CPXM2: variants seen among roughly 807,000 people sequenced by gnomAD.
CPXM2 encodes the protein inactive carboxypeptidase-like protein X2.
A neutral mutation model predicts 86.1 loss-of-function variants in CPXM2; 66 were observed. The observed-to-expected ratio is 0.77, with a 90% CI of 0.63 to 0.94. The LOEUF (loss-of-function observed/expected upper bound fraction) is 0.94, where lower values mean the gene tolerates loss of function less well. CPXM2 is among the 40% of genes least tolerant of loss of function. The pLI is 0.00. For missense variants in CPXM2, 948 were observed against 1,026.3 expected (o/e 0.92, Z 1.04); for synonymous variants, 388 against 400.2 (o/e 0.97, Z 0.36).
rs749100107 is a variant in CPXM2 at position 123,762,077 on chromosome 10, C to T, written c.1572G>A (p.Ala524=). Residue 524 remains alanine, a synonymous_variant, in exon 11 of 14, where the codon GCG becomes GCA. Transcript: ENST00000241305. ...GGGACCGCACCAGGTCGTAGGGGTACGCCACCACCAGCTCGCCGCCCTGCA... is the reference window on the plus strand; with the variant it reads ...GGGACCGCACCAGGTCGTAGGGGTATGCCACCACCAGCTCGCCGCCCTGCA... ...GNLQGGELVV[A]YPYDLVRSPW... 8.1e-6 allele frequency: 13 copies of T among 1,614,084 alleles called. No individual in the cohort carries two copies. The highest frequency in any genetic ancestry group is 3.3e-5 in the South Asian group (3 of 91,082).
Position 123,885,402 on chromosome 10 carries a change from C to T in CPXM2, c.305-5093G>A, listed in dbSNP as rs1945164915. On this transcript the variant is annotated intron_variant, in intron 1 of 13. Transcript: ENST00000241305. This position sits in a 1 kb window ranked among gnomAD's most constrained non-coding sequence, Gnocchi z 4.0. ...CTGATGCTTGGAGAAGTCACAAATG[C>T]CCATGAGTGGCAGAACCAGACTTTG... 1.3e-5 allele frequency among the ~76,000 whole-genome samples: 2 copies of T among 152,128 alleles called. No individual in the cohort carries two copies. Among genetic ancestry groups the T allele is most frequent in the African/African-American group, 2.4e-5 (1 of 41,390 alleles).
intron 13 of CPXM2, among the ~76,000 whole-genome samples, chr10:123,753,345 T>C (rs1023053633): frequency 1.3e-5 from 2 of 152,092 alleles, no homozygotes; most frequent in African/African-American, 2.4e-5. Flanking sequence ...CCTGGACTTG[T>C]CAAGCACCTT....
intron 2 of CPXM2, among the ~76,000 whole-genome samples, chr10:123,901,228 A>C (rs1945378165): frequency 6.6e-6 from 1 of 152,230 alleles, no homozygotes; most frequent in African/African-American, 2.4e-5. Flanking sequence ...ATTGAATTAC[A>C]TCTACCCTTA....
At chr10:123,847,812 A>G (rs572848848) in intron 3 of CPXM2, among the ~76,000 whole-genome samples, 7 of 152,192 alleles carry the variant, frequency 4.6e-5, no homozygotes, top group Non-Finnish European at 1.0e-4. Context: ...GGTATTATGC[A>G]AAGGGCTTTG....
rs373931552 is a variant in CPXM2 at position 123,780,115 on chromosome 10, T to C, written c.978+52A>G. 7.9e-6 allele frequency: 9 copies of C among 1,145,472 alleles called. No individual in the cohort carries two copies. In the African/African-American group the frequency reaches 1.1e-4, roughly 14 times the overall value. The allele number at this position is 1,145,472 out of a possible 1,614,324, so 71.0% of individuals were successfully genotyped here. ...TTTAAGTGCTTATGGACACATAATA[T>C]GTTGCTTTTTTGACAAATTCCTGGC... is the stretch of plus-strand genomic sequence containing the variant. On this transcript the variant is annotated intron_variant, in intron 7 of 13. Coordinates refer to ENST00000241305, the MANE Select transcript of CPXM2 (RefSeq NM_198148.3).
chr10:123,817,263 C>A (rs997630658), intron 4 of CPXM2, among the ~76,000 whole-genome samples: 1 of 152,186 alleles, frequency 6.6e-6, no homozygotes, highest in Non-Finnish European at 1.5e-5. Flanking sequence ...AGCTGCTGTG[C>A]CACTTGGGCC....
At chr10:123,854,473 T>C (rs943897915) in intron 3 of CPXM2, among the ~76,000 whole-genome samples, 2 of 137,154 alleles carry the variant, frequency 1.5e-5, no homozygotes, top group African/African-American at 5.5e-5. Context: ...ATATATTTTA[T>C]ATATATTTGT....
At chr10:123,903,346 T>C (rs1945401958) in intron 2 of CPXM2, among the ~76,000 whole-genome samples, 1 of 152,210 alleles carries the variant, frequency 6.6e-6, no homozygotes, top group Admixed American at 6.5e-5. Context: ...TGCAAAGACC[T>C]TAAGAGCAGG....
intron 2 of CPXM2, among the ~76,000 whole-genome samples, chr10:123,933,835 G>A (rs1487525656): frequency 6.6e-6 from 1 of 152,094 alleles, no homozygotes. Flanking sequence ...AAGATGTAAG[G>A]AGCACAGGAG....
upstream of CPXM2, among the ~76,000 whole-genome samples, chr10:123,942,253 C>G (rs1412757291): frequency 6.6e-6 from 1 of 152,186 alleles, no homozygotes; most frequent in Non-Finnish European, 1.5e-5. Flanking sequence ...ATCTGAACCA[C>G]AGTGACTCCA....
At chr10:123,801,556 C>T (rs1425575894) in intron 4 of CPXM2, among the ~76,000 whole-genome samples, 2 of 152,202 alleles carry the variant, frequency 1.3e-5, no homozygotes, top group Non-Finnish European at 2.9e-5. Flanking sequence ...TTCACTCTCT[C>T]AGGCCCCCTG....
chr10:123,762,277 T>C (rs1846365659), intron 10 of CPXM2, 108 bp from the exon 11 acceptor site: 1 of 1,478,502 alleles, frequency 6.8e-7, no homozygotes, highest in African/African-American at 1.4e-5. Flanking sequence ...GGAATAATCT[T>C]AGTAAAGTTC....
At chr10:123,783,764 T>C (rs1846988201) in intron 6 of CPXM2, among the ~76,000 whole-genome samples, 1 of 152,196 alleles carries the variant, frequency 6.6e-6, no homozygotes, top group Non-Finnish European at 1.5e-5. Context: ...TTCTGACCTT[T>C]GAAACAGGAA....
intron 11 of CPXM2, among the ~76,000 whole-genome samples, chr10:123,759,815 G>A (rs1467541925): frequency 6.6e-6 from 1 of 152,180 alleles, no homozygotes; most frequent in Non-Finnish European, 1.5e-5. Flanking sequence ...AACAGAGAGG[G>A]TCACAGGAGT....
intron 2 of CPXM2, among the ~76,000 whole-genome samples, chr10:123,873,310 C>T (rs1289955772): frequency 2.6e-5 from 4 of 152,040 alleles, no homozygotes; most frequent in Non-Finnish European, 5.9e-5. Flanking sequence ...AAGAATAAAT[C>T]TATTAAAAGA....
chr10:123,817,493 T>C (rs1437112324), intron 4 of CPXM2, among the ~76,000 whole-genome samples: 1 of 152,194 alleles, frequency 6.6e-6, no homozygotes, highest in African/African-American at 2.4e-5. Context: ...CTATGGGTCA[T>C]CAAGTCACCA....
rs930242407 is a variant in CPXM2, at chr10:123,746,645, C to G, written c.*119G>C. The G allele has an allele frequency of 1.0e-5, 10 of 991,800 alleles. No homozygotes were observed. The highest frequency in any genetic ancestry group is 1.5e-5 in the Non-Finnish European group (10 of 667,170). The allele number at this position is 991,800 out of a possible 1,614,324, so 61.4% of individuals were successfully genotyped here. ...TGGGACCTGCCTCACAATGCACCCTCTCTTCCAGGCACTTCTTGAATTACA... is the reference window on the plus strand; with the variant it reads ...TGGGACCTGCCTCACAATGCACCCTGTCTTCCAGGCACTTCTTGAATTACA... On this transcript the variant is annotated 3_prime_UTR_variant, in exon 14 of 14. Coordinates refer to ENST00000241305, the MANE Select transcript of CPXM2 (RefSeq NM_198148.3).
At chr10:123,867,939 G>A (rs1021521933) in intron 2 of CPXM2, among the ~76,000 whole-genome samples, 8 of 152,190 alleles carry the variant, frequency 5.3e-5, no homozygotes, top group Non-Finnish European at 8.8e-5. Context: ...ACAGTGGGGA[G>A]AAAATTATGC....
At chr10:123,875,807 C>CTTTTTTCTTTTTTTTTT (rs1554888265) in intron 2 of CPXM2, among the ~76,000 whole-genome samples, 5 of 84,678 alleles carry the variant, frequency 5.9e-5, no homozygotes, top group African/African-American at 8.5e-5. Context: ...TCTTTTCTTT[C>CTTTTTTCTTTTTTTTTT]TTTTTTTTTT....
Sources: allele counts gnomAD v4.1 joint callset (sites outside exome capture counted in the v4.1 genomes callset), GRCh38; gene constraint gnomAD v4.1.1; non-coding constraint Gnocchi (gnomAD v3.1); transcripts MANE v1.5; gene names NCBI Gene and HGNC (gene_info 2026-07-23, HGNC 2026-07-21).